The following PLEKHA8 variants were observed in gnomAD, a reference collection of about 807,000 sequenced individuals.
The protein encoded by PLEKHA8 is pleckstrin homology domain-containing family A member 8.
Under a neutral mutation model 68.2 loss-of-function variants are expected in PLEKHA8, and 36 were observed. The observed-to-expected ratio is 0.53, with a 90% CI of 0.40 to 0.70. The LOEUF (loss-of-function observed/expected upper bound fraction) is 0.70, where lower values mean the gene tolerates loss of function less well. Ranked by LOEUF, PLEKHA8 falls within the 30% of genes least tolerant of loss-of-function variation. The probability of loss-of-function intolerance (pLI) is 0.00; values close to 1 mark genes in which losing one functional copy is unlikely to be tolerated. For missense variants in PLEKHA8, 505 were observed against 615.4 expected (o/e 0.82, Z 1.90); for synonymous variants, 211 against 216.1 (o/e 0.98, Z 0.20).
At chr7:30,120,290 T>A (rs1450959646) in intron 13 of PLEKHA8, among the ~76,000 whole-genome samples, 1 of 151,888 alleles carries the variant, frequency 6.6e-6, no homozygotes, top group Non-Finnish European at 1.5e-5. Flanking sequence ...GCCTCTAGAA[T>A]CAGGGCTGCT....
At position 30,055,012 on chromosome 7, in the gene PLEKHA8, C is replaced by T. The variant is rs1241624937; in HGVS notation, c.953+147C>T. 6 of 858,124 alleles carry T rather than the reference C, an allele frequency of 7.0e-6. No homozygotes were observed. In the Admixed American group the frequency reaches 8.2e-5, roughly 12 times the overall value. 53.2% of individuals were successfully genotyped at this position (858,124 alleles called of 1,614,324 possible). On this transcript the variant is annotated intron_variant, in intron 8 of 13. Transcript: ENST00000449726. The stretch of plus-strand genomic sequence containing the variant: ...GTACCTGCTTTACTGTTTACTCTTT[C>T]TTACCAATGAATAAGAAGGAATTCA...
Position 30,079,619 on chromosome 7 carries a change from T to A in PLEKHA8, c.*832T>A, listed in dbSNP as rs1342339013. The A allele has an allele frequency of 3.0e-6, 2 of 675,052 alleles. No individual in the cohort carries two copies. The highest frequency in any genetic ancestry group is 3.7e-6 in the Non-Finnish European group (2 of 546,640). The allele number at this position is 675,052 out of a possible 1,614,324, so 41.8% of individuals were successfully genotyped here. A position where few individuals can be genotyped will look rare whatever the true frequency, so the allele number is the denominator to read the frequency against. On this transcript the variant is annotated 3_prime_UTR_variant, in exon 14 of 14. Transcript: ENST00000449726. ...AAAGCAAGGTTTAGAAGTTGAGGGA[T>A]CTGTTCACAGTCACATAGTTTTTAA... is the stretch of plus-strand genomic sequence containing the variant.
chr7:30,056,312 C>CTCTGTATATA (rs796845171), intron 9 of PLEKHA8, among the ~76,000 whole-genome samples: 1 of 94,544 alleles, frequency 1.1e-5, no homozygotes, highest in Admixed American at 1.2e-4. Flanking sequence ...CTCTCTCTCT[C>CTCTGTATATA]TATATATATA....
intron 13 of PLEKHA8, among the ~76,000 whole-genome samples, chr7:30,127,557 C>T (rs552572528): frequency 1.6e-4 from 25 of 152,258 alleles, no homozygotes; most frequent in Non-Finnish European, 2.4e-4. Flanking sequence ...GGAAAGCAGA[C>T]GCTAGGGAAA....
chr7:30,078,924 G>T lies in PLEKHA8; in HGVS notation c.*137G>T, dbSNP rs570295748. 1 of 1,432,728 alleles carries T rather than the reference G, an allele frequency of 7.0e-7. No homozygotes were observed. The highest frequency in any genetic ancestry group is 1.5e-5 in the South Asian group (1 of 64,730). The allele number at this position is 1,432,728 out of a possible 1,614,324, so 88.8% of individuals were successfully genotyped here. On this transcript the variant is annotated 3_prime_UTR_variant, in exon 14 of 14. Coordinates refer to ENST00000449726, the MANE Select transcript of PLEKHA8 (RefSeq NM_001197026.2). ...GATGGACAGGAGGTGGCAAAACCCAGTGCTTTTATAATTTTTAAAATGCAT... is the reference window on the plus strand; with the variant it reads ...GATGGACAGGAGGTGGCAAAACCCATTGCTTTTATAATTTTTAAAATGCAT...
At chr7:30,074,244 A>AATT in intron 13 of PLEKHA8, 112 bp downstream of exon 13, 1 of 727,186 alleles carries the variant, frequency 1.4e-6, no homozygotes. Flanking sequence ...TCAGAAACAA[A>AATT]GTTGTGTGTG....
rs1412783029 is a variant in PLEKHA8 at position 30,045,174 on chromosome 7, A to G, written c.130A>G (p.Ile44Val). The G allele has an allele frequency of 1.2e-6, 2 of 1,609,662 alleles. No individual in the cohort carries two copies. The highest frequency in any genetic ancestry group is 8.5e-7 in the Non-Finnish European group (1 of 1,177,084). The change falls in exon 2 of 14, where the codon ATA (isoleucine) becomes GTA (valine). Residue 44 changes from isoleucine (I) to valine (V), a missense_variant. Ile to Val is a conservative substitution (Grantham distance 29). Coordinates refer to ENST00000449726, the MANE Select transcript of PLEKHA8 (RefSeq NM_001197026.2). ...TGCCTGGAAAGGTTGCAAAGGGAGCATACAAATGGCAGTCTGTGAAATTCA... is the reference window on the plus strand; with the variant it reads ...TGCCTGGAAAGGTTGCAAAGGGAGCGTACAAATGGCAGTCTGTGAAATTCA... Reference protein sequence around the residue: ...EDAWKGCKGSIQMAVCEIQVH... With the variant: ...EDAWKGCKGSVQMAVCEIQVH...
chr7:30,100,034 A>G (rs896741824), intron 13 of PLEKHA8, among the ~76,000 whole-genome samples: 1 of 152,008 alleles, frequency 6.6e-6, no homozygotes, highest in Non-Finnish European at 1.5e-5. Flanking sequence ...GTTGTCGGCA[A>G]TCCTAGCATT....
chr7:30,065,534 G>A (rs896047926), intron 12 of PLEKHA8, among the ~76,000 whole-genome samples: 6 of 151,942 alleles, frequency 3.9e-5, no homozygotes, highest in African/African-American at 1.2e-4. Context: ...ATTTCTTCTG[G>A]GATAATGGTT....
rs1794939820 is a variant in PLEKHA8, at chr7:30,081,743, G to A, written c.*2956G>A. ...AAGAAAAAGGAAATTGGTCTACTAG[G>A]TATTGTAGACACAAATAAGTAACAT... On this transcript the variant is annotated 3_prime_UTR_variant, in exon 14 of 14. Coordinates refer to ENST00000449726, the MANE Select transcript of PLEKHA8 (RefSeq NM_001197026.2). The A allele has an allele frequency of 1.0e-6, 1 of 985,186 alleles. No homozygotes were observed. Among genetic ancestry groups the A allele is most frequent in the South Asian group, 4.7e-5 (1 of 21,280 alleles). 61.0% of individuals were successfully genotyped at this position (985,186 alleles called of 1,614,324 possible). A position where few individuals can be genotyped will look rare whatever the true frequency, so the allele number is the denominator to read the frequency against.
At chr7:30,098,834 T>A (rs1795735675) in intron 13 of PLEKHA8, among the ~76,000 whole-genome samples, 1 of 152,258 alleles carries the variant, frequency 6.6e-6, no homozygotes, top group Non-Finnish European at 1.5e-5. Flanking sequence ...CTGCACCCAC[T>A]GTCCGGCACT....
At chr7:30,035,938 G>A (rs1022609643) in intron 1 of PLEKHA8, among the ~76,000 whole-genome samples, 2 of 151,684 alleles carry the variant, frequency 1.3e-5, no homozygotes, top group Admixed American at 6.6e-5. Context: ...GAGCCACCTC[G>A]CCCGGCCATA....
chr7:30,094,085 G>C (rs1262237690), downstream of PLEKHA8, among the ~76,000 whole-genome samples: 1 of 152,164 alleles, frequency 6.6e-6, no homozygotes, highest in Non-Finnish European at 1.5e-5. Flanking sequence ...GTTTCTGACA[G>C]ATAGCTAATT....
intron 1 of PLEKHA8, among the ~76,000 whole-genome samples, chr7:30,038,603 G>A (rs939592072): frequency 1.2e-4 from 19 of 152,256 alleles, no homozygotes; most frequent in South Asian, 2.1e-4. Context: ...TGATTATTGC[G>A]GTGGTTATTA....
At chr7:30,097,688 A>T (rs1027037884) in intron 13 of PLEKHA8, among the ~76,000 whole-genome samples, 1 of 152,124 alleles carries the variant, frequency 6.6e-6, no homozygotes, top group Non-Finnish European at 1.5e-5. Flanking sequence ...CAGGTCCTTT[A>T]AGGACTTCTC....
intron 13 of PLEKHA8, among the ~76,000 whole-genome samples, chr7:30,118,522 G>C (rs1002006788): frequency 6.6e-6 from 1 of 152,156 alleles, no homozygotes; most frequent in Non-Finnish European, 1.5e-5. Flanking sequence ...TCTTTTCTTA[G>C]CTGCCATGGC....
At chr7:30,051,104 T>C (rs891654217) in intron 6 of PLEKHA8, among the ~76,000 whole-genome samples, 1 of 152,198 alleles carries the variant, frequency 6.6e-6, no homozygotes, top group Non-Finnish European at 1.5e-5. Flanking sequence ...TTCACCATGT[T>C]GCCCAGGCTG....
intron 1 of PLEKHA8, among the ~76,000 whole-genome samples, chr7:30,044,592 T>A (rs1248439092): frequency 3.3e-5 from 5 of 152,262 alleles, no homozygotes; most frequent in Non-Finnish European, 4.4e-5. Flanking sequence ...TAGTTGGCAC[T>A]CTCTATGACA....
At chr7:30,084,904 A>G (rs1039640314), downstream of PLEKHA8, among the ~76,000 whole-genome samples, 2 of 151,950 alleles carry the variant, frequency 1.3e-5, no homozygotes, top group African/African-American at 4.8e-5. Flanking sequence ...GAGCCAGGCT[A>G]CAAACCCAGG....
Sources: gnomAD v4.1 joint callset for allele counts (sites outside exome capture counted in the v4.1 genomes callset) on GRCh38, gnomAD v4.1.1 for gene constraint, MANE v1.5 for transcripts, NCBI Gene and HGNC (gene_info 2026-07-23, HGNC 2026-07-21) for gene names.